PACRGL: variants seen among roughly 807,000 people sequenced by gnomAD.
PACRGL encodes parkin coregulated like, also known as PACRG-like protein.
Under a neutral mutation model 34.5 loss-of-function variants are expected in PACRGL, and 38 were observed. The observed-to-expected ratio is 1.10, with a 90% CI of 0.85 to 1.44. The LOEUF (loss-of-function observed/expected upper bound fraction) is 1.44, where lower values mean the gene tolerates loss of function less well. PACRGL is among the 40% of genes most tolerant of loss of function. The pLI is 0.00. For synonymous variants in PACRGL, 128 were observed against 100.1 expected, an observed-to-expected ratio of 1.28 and a Z score of -1.66; for missense variants, 305 against 281.4, an observed-to-expected ratio of 1.08 and a Z score of -0.60.
Position 20,704,710 on chromosome 4 carries a change from G to A in PACRGL, c.103G>A (p.Ala35Thr). 6.2e-7 allele frequency: 1 copy of A among 1,614,084 alleles called. No homozygotes were observed. The stretch of plus-strand genomic sequence containing the variant: ...AAGCACACAGTTAAAACACAGGAAT[G>A]CAGTTCAGGGAAGCAAATCCTCATT... Reference protein sequence around the residue: ...SSSTQLKHRNAVQGSKSSLST... With the variant: ...SSSTQLKHRNTVQGSKSSLST... The change falls in exon 3 of 9, where the codon GCA becomes ACA. Residue 35 changes from alanine to threonine, a missense_variant. Physicochemically the swap from Ala to Thr is moderately conservative, Grantham distance 58 (BLOSUM62 0). Coordinates refer to ENST00000503585, the MANE Select transcript of PACRGL (RefSeq NM_001258345.3).
chr4:20,703,312 A>T (rs1308210632), intron 1 of PACRGL, among the ~76,000 whole-genome samples: 1 of 152,152 alleles, frequency 6.6e-6, no homozygotes. Flanking sequence ...GAATAACTAG[A>T]TTGTCGTGGA....
chr4:20,702,634 A>AT (rs34064017), intron 1 of PACRGL: 75,752 of 150,916 alleles, frequency 0.5, 19,374 homozygotes, highest in African/African-American at 0.6. Context: ...AAACTGATGC[A>AT]TTTTTTTTTT....
chr4:20,745,096 A>G (rs190389906), intron 8 of PACRGL, among the ~76,000 whole-genome samples: 31 of 152,328 alleles, frequency 2.0e-4, no homozygotes, highest in Admixed American at 8.5e-4. Flanking sequence ...CAACAGGAGC[A>G]ATGAATCATG....
downstream of PACRGL, among the ~76,000 whole-genome samples, chr4:20,734,907 C>A (rs1037174145): frequency 6.6e-6 from 1 of 152,044 alleles, no homozygotes; most frequent in Non-Finnish European, 1.5e-5. Flanking sequence ...ATAAATCACT[C>A]CTTAGTCTTA....
intron 6 of PACRGL, 54 bp downstream of exon 6, chr4:20,712,976 G>A (rs1738015932): frequency 2.1e-6 from 3 of 1,416,656 alleles, no homozygotes; most frequent in Non-Finnish European, 2.8e-6. Context: ...AGAAAAGAAA[G>A]CTGTAATATA....
At chr4:20,724,106 CA>C (rs1744655400) in intron 7 of PACRGL, among the ~76,000 whole-genome samples, 1 of 152,130 alleles carries the variant, frequency 6.6e-6, no homozygotes, top group African/African-American at 2.4e-5. Context: ...TTCCTCTATG[CA>C]AAATAAGCTA....
intron 8 of PACRGL, among the ~76,000 whole-genome samples, chr4:20,738,333 T>A (rs1366329639): frequency 1.3e-5 from 2 of 152,190 alleles, no homozygotes; most frequent in African/African-American, 4.8e-5. Context: ...ACAGGGTCTT[T>A]GAAAACATGC....
intron 7 of PACRGL, among the ~76,000 whole-genome samples, chr4:20,719,809 G>A (rs1742115009): frequency 6.6e-6 from 1 of 151,998 alleles, no homozygotes; most frequent in Non-Finnish European, 1.5e-5. Context: ...ATATTCTGTT[G>A]ATTTGGGGTG....
chr4:20,703,883 A>G, intron 1 of PACRGL, among the ~76,000 whole-genome samples: 1 of 152,168 alleles, frequency 6.6e-6, no homozygotes, highest in East Asian at 1.9e-4. Flanking sequence ...AAAGGAGACA[A>G]TGGTGATTCT....
intron 5 of PACRGL, among the ~76,000 whole-genome samples, chr4:20,711,870 T>A (rs1371109425): frequency 6.6e-6 from 1 of 152,174 alleles, no homozygotes; most frequent in East Asian, 1.9e-4. Context: ...ACATTTAAAA[T>A]CTTAACATGC....
chr4:20,744,209 CA>C (rs879858698), intron 8 of PACRGL, among the ~76,000 whole-genome samples: 1 of 152,084 alleles, frequency 6.6e-6, no homozygotes, highest in African/African-American at 2.4e-5. Flanking sequence ...GGTGACTCCT[CA>C]AGGAGCTAGA....
chr4:20,699,314 A>G (rs1335246670), upstream of PACRGL, among the ~76,000 whole-genome samples: 1 of 152,224 alleles, frequency 6.6e-6, no homozygotes. Flanking sequence ...CAATAAAGAC[A>G]ATTTCAGTCT....
chr4:20,742,816 C>G (rs935361048), intron 8 of PACRGL, among the ~76,000 whole-genome samples: 1 of 152,132 alleles, frequency 6.6e-6, no homozygotes, highest in Non-Finnish European at 1.5e-5. Flanking sequence ...TTAGAAAACC[C>G]TGTCGTCTCA....
At chr4:20,737,409 T>C (rs1749880764), downstream of PACRGL, among the ~76,000 whole-genome samples, 1 of 152,124 alleles carries the variant, frequency 6.6e-6, no homozygotes, top group African/African-American at 2.4e-5. Flanking sequence ...AGGAGCACTT[T>C]GAATACTGAA....
chr4:20,764,046 A>G, the PACRGL span, among the ~76,000 whole-genome samples: 172 of 152,148 alleles, frequency 1.1e-3, 4 homozygotes, highest in Non-Finnish European at 2.8e-4. Flanking sequence ...GGGTTTAGGG[A>G]TAGTAAGAAA....
intron 7 of PACRGL, among the ~76,000 whole-genome samples, chr4:20,715,933 T>A (rs2149123932): frequency 6.6e-6 from 1 of 152,322 alleles, no homozygotes. Flanking sequence ...TCATGTTGAT[T>A]AACTATGAAT....
chr4:20,755,615 A>G (rs1237911689), downstream of PACRGL, among the ~76,000 whole-genome samples: 1 of 152,198 alleles, frequency 6.6e-6, no homozygotes. Flanking sequence ...AGTGAAATAT[A>G]TATTATTGGA....
At chr4:20,702,310 C>T (rs576439718) in intron 1 of PACRGL, 12 of 420,240 alleles carry the variant, frequency 2.9e-5, no homozygotes, top group Admixed American at 1.9e-4. Context: ...TGCTGTGCAT[C>T]GCTTTTATCT....
chr4:20,715,132 A>G (rs1222467257), intron 7 of PACRGL, among the ~76,000 whole-genome samples: 5 of 152,238 alleles, frequency 3.3e-5, no homozygotes, highest in African/African-American at 1.2e-4. Flanking sequence ...AGGGACATGG[A>G]TGAAACTGGA....
Sources: allele counts gnomAD v4.1 joint callset (sites outside exome capture counted in the v4.1 genomes callset), GRCh38; gene constraint gnomAD v4.1.1; transcripts MANE v1.5; gene names NCBI Gene and HGNC (gene_info 2026-07-23, HGNC 2026-07-21).